SLC35F4: variants seen among roughly 807,000 people sequenced by gnomAD.
SLC35F4 encodes chromosome 14 open reading frame 36.
In SLC35F4, 24 loss-of-function variants were observed where a neutral mutation model predicts 44.2. That is an observed-to-expected ratio of 0.54 (90% CI 0.39 to 0.76). The LOEUF is 0.76. SLC35F4 is among the 30% of genes least tolerant of loss of function. The probability of loss-of-function intolerance (pLI) is 0.00; values close to 1 mark genes in which losing one functional copy is unlikely to be tolerated. For missense variants in SLC35F4, 562 were observed against 586.1 expected (o/e 0.96, Z 0.42); for synonymous variants, 238 against 223.6 (o/e 1.06, Z -0.57).
At chr14:57,948,367 T>A (rs1214513830) in intron 1 of SLC35F4, among the ~76,000 whole-genome samples, 2 of 152,138 alleles carry the variant, frequency 1.3e-5, no homozygotes, top group African/African-American at 4.8e-5. Context: ...TTCTGTGGTA[T>A]CAGCTGTAAT....
At chr14:57,814,848 G>A (rs1882383013) in intron 1 of SLC35F4, among the ~76,000 whole-genome samples, 1 of 152,088 alleles carries the variant, frequency 6.6e-6, no homozygotes, top group Non-Finnish European at 1.5e-5. Context: ...GGAACCCTTA[G>A]AGATGCTTGC....
chr14:57,607,595 C>T (rs1416452692), intron 1 of SLC35F4, among the ~76,000 whole-genome samples: 1 of 152,210 alleles, frequency 6.6e-6, no homozygotes, highest in Non-Finnish European at 1.5e-5. Flanking sequence ...AAGTCCAGTT[C>T]AAAGCCTAAC....
chr14:57,712,990 A>G (rs1229412990), intron 1 of SLC35F4, among the ~76,000 whole-genome samples: 1 of 152,168 alleles, frequency 6.6e-6, no homozygotes, highest in Non-Finnish European at 1.5e-5. Flanking sequence ...ATTTGCACAT[A>G]TTCATTTTAT....
chr14:57,812,773 C>T (rs1438713798), intron 1 of SLC35F4, among the ~76,000 whole-genome samples: 1 of 152,100 alleles, frequency 6.6e-6, no homozygotes, highest in Non-Finnish European at 1.5e-5. Context: ...GCAATGCCTT[C>T]TGACTTTTCT....
chr14:57,841,186 T>C (rs537803249), intron 1 of SLC35F4, among the ~76,000 whole-genome samples: 59 of 152,176 alleles, frequency 3.9e-4, no homozygotes, highest in African/African-American at 1.3e-3. Context: ...TGGACACCAA[T>C]TGGAACATAG....
intron 1 of SLC35F4, among the ~76,000 whole-genome samples, chr14:57,884,591 A>G (rs1378936199): frequency 1.3e-5 from 2 of 152,180 alleles, no homozygotes; most frequent in African/African-American, 2.4e-5. Flanking sequence ...TGTATTACAC[A>G]CCTCATGCCA....
chr14:57,888,255 A>C (rs143761160), intron 1 of SLC35F4, among the ~76,000 whole-genome samples: 101 of 152,288 alleles, frequency 6.6e-4, no homozygotes, highest in African/African-American at 2.4e-3. Flanking sequence ...TCAGGAAGCA[A>C]ATATAAGTTT....
chr14:57,747,326 G>A (rs1283767112), intron 1 of SLC35F4, among the ~76,000 whole-genome samples: 10 of 152,142 alleles, frequency 6.6e-5, no homozygotes, highest in South Asian at 2.1e-4. Context: ...GAATGAAAAC[G>A]TGAAGTATTT....
At chr14:57,802,144 C>A (rs2078207239) in intron 1 of SLC35F4, among the ~76,000 whole-genome samples, 1 of 152,208 alleles carries the variant, frequency 6.6e-6, no homozygotes. Context: ...TAGACCACAG[C>A]ACAATTAAAT....
At chr14:57,730,769 C>A (rs1325170854) in intron 1 of SLC35F4, among the ~76,000 whole-genome samples, 2 of 152,062 alleles carry the variant, frequency 1.3e-5, no homozygotes, top group Non-Finnish European at 2.9e-5. Context: ...GCGACAGGTA[C>A]CTGTATTTAT....
chr14:57,982,526 G>A (rs555775707), upstream of SLC35F4, among the ~76,000 whole-genome samples: 6 of 152,164 alleles, frequency 3.9e-5, no homozygotes, highest in Admixed American at 6.5e-5. Context: ...CGAGAGCCAA[G>A]AGGGGGAATA....
chr14:57,782,842 A>C (rs1169259611), intron 1 of SLC35F4, among the ~76,000 whole-genome samples: 1 of 152,230 alleles, frequency 6.6e-6, no homozygotes, highest in East Asian at 1.9e-4. Context: ...TGATGCTGGA[A>C]GTGCTCCCAA....
intron 1 of SLC35F4, among the ~76,000 whole-genome samples, chr14:57,605,141 G>A (rs1024181485): frequency 1.1e-4 from 16 of 152,186 alleles, no homozygotes; most frequent in Non-Finnish European, 1.3e-4. Flanking sequence ...CTTCTGCATA[G>A]AAAGAAAACC....
intron 1 of SLC35F4, among the ~76,000 whole-genome samples, chr14:57,926,304 C>A (rs1594629710): frequency 6.6e-6 from 1 of 152,150 alleles, no homozygotes; most frequent in African/African-American, 2.4e-5. Flanking sequence ...GCTCTGGCTG[C>A]CAAACATTAG....
At chr14:57,687,199 T>C (rs762082216) in intron 1 of SLC35F4, among the ~76,000 whole-genome samples, 10 of 152,192 alleles carry the variant, frequency 6.6e-5, no homozygotes, top group Non-Finnish European at 1.3e-4. Context: ...CAGTCTGTGA[T>C]ACTTTGTAAT....
chr14:57,736,389 C>T (rs1360933043), intron 1 of SLC35F4, among the ~76,000 whole-genome samples: 1 of 152,180 alleles, frequency 6.6e-6, no homozygotes, highest in Non-Finnish European at 1.5e-5. Flanking sequence ...CAGTAACTTA[C>T]AATACCAGCT....
chr14:57,580,462 C>A, intron 4 of SLC35F4: 2 of 301,880 alleles, frequency 6.6e-6, no homozygotes, highest in South Asian at 2.9e-5. Flanking sequence ...AGTGTTGTCT[C>A]AATATGTTCA....
At chr14:57,754,891 G>A (rs1054039754) in intron 1 of SLC35F4, among the ~76,000 whole-genome samples, 3 of 152,194 alleles carry the variant, frequency 2.0e-5, no homozygotes, top group Non-Finnish European at 2.9e-5. Context: ...GCCCAGAGAG[G>A]GAAAGGAACA....
chr14:57,743,006 G>C (rs1228112038), intron 1 of SLC35F4, among the ~76,000 whole-genome samples: 2 of 152,144 alleles, frequency 1.3e-5, no homozygotes, highest in Non-Finnish European at 2.9e-5. Context: ...CAGAAATAAA[G>C]ATGTTCTTTG....
Sources: gnomAD v4.1 joint callset for allele counts (sites outside exome capture counted in the v4.1 genomes callset) on GRCh38, gnomAD v4.1.1 for gene constraint, MANE v1.5 for transcripts, NCBI Gene and HGNC (gene_info 2026-07-23, HGNC 2026-07-21) for gene names.